The following KIAA1328 variants were observed in gnomAD, a reference collection of about 807,000 sequenced individuals.
The protein encoded by KIAA1328 is KIAA1328.
KIAA1328 carries 52 observed loss-of-function variants against 68.1 expected under a neutral mutation model. The ratio of observed to expected loss-of-function variants is 0.76; its 90% CI spans 0.61 to 0.96. The LOEUF (loss-of-function observed/expected upper bound fraction) is 0.96. KIAA1328 is among the 40% of genes least tolerant of loss of function. The probability of loss-of-function intolerance (pLI) is 0.00; values close to 1 mark genes in which losing one functional copy is unlikely to be tolerated. For synonymous variants in KIAA1328, 232 were observed against 239.4 expected, an observed-to-expected ratio of 0.97 and a Z score of 0.28; for missense variants, 641 against 677.6, an observed-to-expected ratio of 0.95 and a Z score of 0.60.
intron 3 of KIAA1328, among the ~76,000 whole-genome samples, chr18:36,835,842 TTTTG>T (rs2046654722): frequency 6.6e-6 from 1 of 152,180 alleles, no homozygotes; most frequent in Admixed American, 6.5e-5. Context: ...TTACTTTAAT[TTTTG>T]TTATATTTTC....
intron 6 of KIAA1328, among the ~76,000 whole-genome samples, chr18:37,030,027 A>G (rs1322704368): frequency 2.6e-5 from 4 of 152,138 alleles, no homozygotes; most frequent in South Asian, 2.1e-4. Flanking sequence ...TATTATCTTA[A>G]TATCTGTGGC....
intron 7 of KIAA1328, among the ~76,000 whole-genome samples, chr18:37,069,459 G>A (rs1309428994): frequency 1.3e-5 from 2 of 151,966 alleles, no homozygotes; most frequent in African/African-American, 4.8e-5. Flanking sequence ...ATATTGTTCT[G>A]TTGTTTTCCT....
chr18:36,956,392 C>T (rs960964513), intron 5 of KIAA1328, among the ~76,000 whole-genome samples: 4 of 152,112 alleles, frequency 2.6e-5, no homozygotes, highest in Non-Finnish European at 4.4e-5. Context: ...TCATTCTTTT[C>T]TGTCATTCGG....
chr18:36,980,587 G>T (rs1286372761), intron 6 of KIAA1328, among the ~76,000 whole-genome samples: 1 of 152,062 alleles, frequency 6.6e-6, no homozygotes, highest in Non-Finnish European at 1.5e-5. Context: ...TTTTTTTACC[G>T]GCCTAAGTGA....
At chr18:36,881,451 A>T (rs2048325885) in intron 4 of KIAA1328, among the ~76,000 whole-genome samples, 1 of 145,966 alleles carries the variant, frequency 6.9e-6, no homozygotes, top group African/African-American at 2.8e-5. Context: ...AACTTTACTT[A>T]AAAAGAAAGA....
intron 2 of KIAA1328, 84 bp downstream of exon 2, chr18:36,834,439 C>T (rs530140068): frequency 1.5e-4 from 177 of 1,217,202 alleles, no homozygotes; most frequent in African/African-American, 1.1e-3. Context: ...AACAATGTTG[C>T]GGGTATAAAT....
intron 7 of KIAA1328, among the ~76,000 whole-genome samples, chr18:37,152,098 A>G (rs1224948628): frequency 2.8e-5 from 3 of 106,004 alleles, no homozygotes; most frequent in African/African-American, 1.1e-4. Flanking sequence ...GACCTATGTA[A>G]AAAAAAAAAA....
At chr18:36,909,196 A>G (rs2049334330) in intron 5 of KIAA1328, among the ~76,000 whole-genome samples, 2 of 152,194 alleles carry the variant, frequency 1.3e-5, no homozygotes, top group South Asian at 2.1e-4. Flanking sequence ...GGTTTGTTAC[A>G]TATGTATACA....
At chr18:37,194,110 G>T (rs1052544570) in intron 9 of KIAA1328, among the ~76,000 whole-genome samples, 1 of 152,158 alleles carries the variant, frequency 6.6e-6, no homozygotes, top group Non-Finnish European at 1.5e-5. Context: ...CATGTGTGAG[G>T]ATATCTGTAG....
At chr18:37,109,417 G>A (rs902219390) in intron 7 of KIAA1328, among the ~76,000 whole-genome samples, 1 of 152,058 alleles carries the variant, frequency 6.6e-6, no homozygotes, top group African/African-American at 2.4e-5. Context: ...TAGCTTTTTT[G>A]TATGTAATAA....
chr18:36,897,932 A>C (rs2048917486), intron 5 of KIAA1328, among the ~76,000 whole-genome samples: 2 of 152,100 alleles, frequency 1.3e-5, no homozygotes, highest in Non-Finnish European at 2.9e-5. Context: ...CCTATTGGTA[A>C]ATCTTTAGTT....
intron 7 of KIAA1328, among the ~76,000 whole-genome samples, chr18:37,113,803 G>A (rs2058017729): frequency 6.6e-6 from 1 of 152,102 alleles, no homozygotes; most frequent in Non-Finnish European, 1.5e-5. Context: ...AAAATAAAGG[G>A]ATGGAGGAAG....
At chr18:36,883,893 C>T (rs1184006577) in intron 4 of KIAA1328, among the ~76,000 whole-genome samples, 2 of 147,300 alleles carry the variant, frequency 1.4e-5, no homozygotes, top group South Asian at 2.1e-4. Context: ...ATGTCTTGTT[C>T]CGTGACCAAA....
chr18:37,150,667 GGCTTAACATTTGAAAA>G (rs375733124), intron 7 of KIAA1328, among the ~76,000 whole-genome samples: 163 of 151,726 alleles, frequency 1.1e-3, no homozygotes, highest in Middle Eastern at 6.9e-3. Flanking sequence ...TGACTAAATA[GGCTTAACATTTGAAAA>G]TCAGTCAATG....
At chr18:36,999,878 A>G (rs747436173) in intron 6 of KIAA1328, among the ~76,000 whole-genome samples, 2 of 152,062 alleles carry the variant, frequency 1.3e-5, no homozygotes, top group Non-Finnish European at 2.9e-5. Flanking sequence ...GGAAGAAAAA[A>G]GAAACAAATG....
Position 36,844,192 on chromosome 18 carries a change from ATTTTT to A in KIAA1328, c.238-8_238-4del, listed in dbSNP as rs372565622. The stretch of plus-strand genomic sequence containing the variant: ...TTGGTTTTAGAAAAAGTGTAACTAA[ATTTTT>A]TTTTTTTAAGAATTCCTGCAGGGGA... On this transcript the variant is annotated splice_polypyrimidine_tract_variant and intron_variant, in intron 3 of 9. Coordinates refer to ENST00000280020, the MANE Select transcript of KIAA1328 (RefSeq NM_020776.3). 1 of 957,634 alleles carries A rather than the reference ATTTTT, an allele frequency of 1.0e-6. No homozygotes were observed. The highest frequency in any genetic ancestry group is 1.4e-6 in the Non-Finnish European group (1 of 691,064). 59.3% of individuals were successfully genotyped at this position (957,634 alleles called of 1,614,324 possible).
At chr18:37,093,635 A>T (rs188787857) in intron 7 of KIAA1328, among the ~76,000 whole-genome samples, 2 of 152,216 alleles carry the variant, frequency 1.3e-5, no homozygotes, top group African/African-American at 4.8e-5. Flanking sequence ...AAGAAAGCCT[A>T]TGTGATGTAT....
intron 8 of KIAA1328, among the ~76,000 whole-genome samples, chr18:37,169,692 T>C (rs887704317): frequency 6.6e-6 from 1 of 152,222 alleles, no homozygotes; most frequent in Non-Finnish European, 1.5e-5. Flanking sequence ...ACTTAGAGAA[T>C]TAATAAAAAA....
At chr18:36,885,818 G>A (rs2048481445) in intron 5 of KIAA1328, 146 bp downstream of exon 5, 1 of 555,758 alleles carries the variant, frequency 1.8e-6, no homozygotes, top group African/African-American at 2.0e-5. Context: ...CCCGGTTCAA[G>A]CGATTCTCCT....
Sources: allele counts gnomAD v4.1 joint callset (sites outside exome capture counted in the v4.1 genomes callset), GRCh38; gene constraint gnomAD v4.1.1; transcripts MANE v1.5; gene names NCBI Gene and HGNC (gene_info 2026-07-23, HGNC 2026-07-21).